UPF2: variants seen among roughly 807,000 people sequenced by gnomAD.
UPF2 encodes the protein regulator of nonsense transcripts 2.
In UPF2, 17 loss-of-function variants were observed where a neutral mutation model predicts 141.4. That is an observed-to-expected ratio of 0.12 (90% CI 0.08 to 0.18). The LOEUF is 0.18. UPF2 is among the 10% of genes least tolerant of loss of function. The probability of loss-of-function intolerance (pLI) is 1.00; values close to 1 mark genes in which losing one functional copy is unlikely to be tolerated. For missense variants in UPF2, 1,152 were observed against 1,515.9 expected (o/e 0.76, Z 3.99); for synonymous variants, 540 against 498.0 (o/e 1.08, Z -1.12).
intron 9 of UPF2, among the ~76,000 whole-genome samples, chr10:11,978,283 G>A (rs937940169): frequency 6.6e-5 from 10 of 152,196 alleles, no homozygotes; most frequent in African/African-American, 2.4e-4. Flanking sequence ...TTATGATAAA[G>A]CGAAGTTTTG....
rs897818058 is a variant in UPF2, at chr10:12,016,938, TGAACTCG to T, written c.1146-2761_1146-2755del. Among the ~76,000 whole-genome samples, 2 of 151,570 alleles carry T rather than the reference TGAACTCG, an allele frequency of 1.3e-5. No homozygotes were observed. Among genetic ancestry groups the T allele is most frequent in the African/African-American group, 4.9e-5 (2 of 41,234 alleles). Reference sequence around the variant, plus strand: ...GGGAGGCTGAGGCAGGAGAATCATTTGAACTCGGAAGGCAGAGGTTGCAGTGAGCTGA... The same window carrying T: ...GGGAGGCTGAGGCAGGAGAATCATTTGAAGGCAGAGGTTGCAGTGAGCTGA... On this transcript the variant is annotated intron_variant, in intron 3 of 21. Transcript: ENST00000357604. The surrounding 1 kb of genome is among the most constrained non-coding windows in gnomAD (Gnocchi z 4.1).
In UPF2 at chr10:11,948,482, C is replaced by G; in HGVS notation, c.3061G>C (p.Asp1021His). ...LGLVNDKDSK[D>H]SMTEGENLEE... ...AGATTTTCTCCTTCTGTCATAGAAT[C>G]TTTTGAGTCTTTGTCATTTACTAGG... Residue 1021 changes from aspartate (D) to histidine (H), a missense_variant, in exon 16 of 22, where the codon GAT (aspartate) becomes CAT (histidine). Coordinates refer to ENST00000357604, the MANE Select transcript of UPF2 (RefSeq NM_015542.4). The G allele has an allele frequency of 6.2e-7, 1 of 1,612,802 alleles. No homozygotes were observed. Among genetic ancestry groups the G allele is most frequent in the Non-Finnish European group, 8.5e-7 (1 of 1,179,874 alleles).
rs949300272 is a variant in UPF2, at chr10:11,956,695, A to T, written c.2371-172T>A. On this transcript the variant is annotated intron_variant, in intron 12 of 21. Transcript: ENST00000357604. This position sits in a 1 kb window ranked among gnomAD's most constrained non-coding sequence, Gnocchi z 4.2. ...AAAACTGAGACTTTCTAATTACAAT[A>T]AAATGTATTATCATCTTTCCTAAAT... Among the ~76,000 whole-genome samples, 1 of 152,222 alleles carries T rather than the reference A, an allele frequency of 6.6e-6. No individual in the cohort carries two copies. Among genetic ancestry groups the T allele is most frequent in the African/African-American group, 2.4e-5 (1 of 41,460 alleles).
chr10:11,950,346 T>C (rs1176876731), intron 15 of UPF2, among the ~76,000 whole-genome samples: 1 of 152,228 alleles, frequency 6.6e-6, no homozygotes, highest in Non-Finnish European at 1.5e-5. Flanking sequence ...TATTATCTTT[T>C]GGTTTATCAG....
chr10:11,945,718 T>C (rs374885300), intron 16 of UPF2, among the ~76,000 whole-genome samples: 25 of 152,180 alleles, frequency 1.6e-4, no homozygotes, highest in Admixed American at 5.2e-4. Context: ...AGGAAACATA[T>C]CAGAACTCTT....
intron 4 of UPF2, among the ~76,000 whole-genome samples, chr10:12,012,867 A>C (rs1476163783): frequency 6.6e-6 from 1 of 151,916 alleles, no homozygotes. Context: ...GCCTGGGTGC[A>C]GTGGCTCACA....
intron 12 of UPF2, among the ~76,000 whole-genome samples, chr10:11,958,093 T>G (rs539374029): frequency 6.6e-6 from 1 of 152,326 alleles, no homozygotes; most frequent in African/African-American, 2.4e-5. Context: ...CTCACACCTG[T>G]AATCCCAACA....
intron 4 of UPF2, among the ~76,000 whole-genome samples, chr10:12,012,439 C>T (rs1354550195): frequency 1.3e-5 from 2 of 152,096 alleles, no homozygotes; most frequent in African/African-American, 2.4e-5. Context: ...AGAAACAAGC[C>T]AGGGTCAACC....
intron 2 of UPF2, among the ~76,000 whole-genome samples, chr10:12,032,958 T>C (rs1254815421): frequency 1.4e-5 from 2 of 144,692 alleles, no homozygotes; most frequent in African/African-American, 2.6e-5. Context: ...AACCTGAGAA[T>C]AGCCACTGCA....
In UPF2 at chr10:11,959,854, T is replaced by C. The variant is rs946361738; in HGVS notation, c.2185-498A>G. Reference sequence around the variant, plus strand: ...GAGCATGTAAGCATACTAACTGTTATACTACTTATCATTTTTAGAACATAC... The same window carrying C: ...GAGCATGTAAGCATACTAACTGTTACACTACTTATCATTTTTAGAACATAC... On this transcript the variant is annotated intron_variant, in intron 11 of 21. Transcript: ENST00000357604. The surrounding 1 kb of genome is among the most constrained non-coding windows in gnomAD (Gnocchi z 5.9). 2.0e-5 allele frequency among the ~76,000 whole-genome samples: 3 copies of C among 152,220 alleles called. No individual in the cohort carries two copies. The highest frequency in any genetic ancestry group is 2.9e-5 in the Non-Finnish European group (2 of 68,034).
chr10:12,005,890 T>C (rs1834027958), intron 4 of UPF2, among the ~76,000 whole-genome samples: 1 of 151,530 alleles, frequency 6.6e-6, no homozygotes, highest in South Asian at 2.1e-4. Flanking sequence ...TATTTATTTT[T>C]TTGAATTGAG....
At chr10:12,026,260 A>G (rs1467005364) in intron 3 of UPF2, among the ~76,000 whole-genome samples, 1 of 152,232 alleles carries the variant, frequency 6.6e-6, no homozygotes, top group Non-Finnish European at 1.5e-5. Flanking sequence ...GCTTGTCAGC[A>G]GTTCATATGA....
intron 18 of UPF2, among the ~76,000 whole-genome samples, chr10:11,941,062 T>C (rs895336444): frequency 1.3e-5 from 2 of 152,220 alleles, no homozygotes. Context: ...TCTTAGCATT[T>C]ATCACAATTT....
rs187119495 is a variant in UPF2, at chr10:11,968,726, A to G, written c.1954-1272T>C. On this transcript the variant is annotated intron_variant, in intron 9 of 21. Transcript: ENST00000357604. ...AAATCCTGCTGCAACAGTACAATGC[A>G]AACAGACACATCAAGATAAATGTAA... 7.1e-4 allele frequency among the ~76,000 whole-genome samples: 108 copies of G among 152,344 alleles called. 1 individual carries two copies. The highest frequency in any genetic ancestry group is 1.2e-3 in the Non-Finnish European group (79 of 68,024).
intron 8 of UPF2, among the ~76,000 whole-genome samples, chr10:11,991,696 G>T (rs1176142397): frequency 2.0e-5 from 3 of 152,168 alleles, no homozygotes; most frequent in Non-Finnish European, 2.9e-5. Flanking sequence ...ACTATTGAGT[G>T]ACACCTACAT....
chr10:11,940,638 A>G lies in UPF2; in HGVS notation c.3378+2027T>C, dbSNP rs1832925504. 6.6e-6 allele frequency among the ~76,000 whole-genome samples: 1 copy of G among 152,058 alleles called. No homozygotes were observed. The highest frequency in any genetic ancestry group is 2.1e-4 in the South Asian group (1 of 4,816). On this transcript the variant is annotated intron_variant, in intron 18 of 21. Coordinates refer to ENST00000357604, the MANE Select transcript of UPF2 (RefSeq NM_015542.4). This position sits in a 1 kb window ranked among gnomAD's most constrained non-coding sequence, Gnocchi z 4.2. ...CTCACCCCCTACACACCCATATCCA[A>G]TCCAGCGCCAAATAAGCCAGGTCGT...
At chr10:12,010,548 A>G (rs1834109492) in intron 4 of UPF2, among the ~76,000 whole-genome samples, 1 of 152,224 alleles carries the variant, frequency 6.6e-6, no homozygotes, top group African/African-American at 2.4e-5. Context: ...AAAGGCAGGA[A>G]AAAATAACGA....
At chr10:11,969,021 C>T (rs1389424134) in intron 9 of UPF2, among the ~76,000 whole-genome samples, 1 of 152,038 alleles carries the variant, frequency 6.6e-6, no homozygotes, top group Non-Finnish European at 1.5e-5. Flanking sequence ...CCATCATGCC[C>T]GGCTAAATTT....
chr10:11,994,520 T>A (rs1401239938), intron 8 of UPF2, among the ~76,000 whole-genome samples: 1 of 152,236 alleles, frequency 6.6e-6, no homozygotes, highest in Non-Finnish European at 1.5e-5. Flanking sequence ...AGAAGGATAC[T>A]TTTCATCATA....
Sources: gnomAD v4.1 joint callset for allele counts (sites outside exome capture counted in the v4.1 genomes callset) on GRCh38, gnomAD v4.1.1 for gene constraint, Gnocchi (gnomAD v3.1) non-coding constraint, MANE v1.5 for transcripts, NCBI Gene and HGNC (gene_info 2026-07-23, HGNC 2026-07-21) for gene names.